NFIA: variants seen among roughly 807,000 people sequenced by gnomAD.
The protein encoded by NFIA is nuclear factor I A.
A neutral mutation model predicts 62.8 loss-of-function variants in NFIA; 8 were observed. The ratio of observed to expected loss-of-function variants is 0.13; its 90% CI spans 0.07 to 0.23. NFIA has a LOEUF of 0.23. Ranked by LOEUF, NFIA falls within the 10% of genes least tolerant of loss-of-function variation. The pLI is 1.00. For missense variants in NFIA, 410 were observed against 642.1 expected, an observed-to-expected ratio of 0.64 and a Z score of 3.91; for synonymous variants, 235 against 238.1, an observed-to-expected ratio of 0.99 and a Z score of 0.12.
chr1:61,288,470 A>T (rs1030728364), intron 3 of NFIA, among the ~76,000 whole-genome samples: 7 of 152,228 alleles, frequency 4.6e-5, no homozygotes, highest in Non-Finnish European at 1.0e-4. Context: ...GTGTTCACAG[A>T]TTCAAGGAAA....
chr1:61,337,824 C>T lies in NFIA; in HGVS notation c.700+5238C>T, dbSNP rs181895646. Among the ~76,000 whole-genome samples, 136 of 152,308 alleles carry T rather than the reference C, an allele frequency of 8.9e-4. 1 individual carries two copies. Among genetic ancestry groups the T allele is most frequent in the Admixed American group, 3.4e-3 (52 of 15,300 alleles). ...AGCACCCACTCTTTTGTTTATTTTG[C>T]GCTAGTGTTTTCCTCAAAGTATGAG... On this transcript the variant is annotated intron_variant, in intron 4 of 10. Transcript: ENST00000403491.
At chr1:61,398,285 T>TG (rs1316933000) in intron 7 of NFIA, among the ~76,000 whole-genome samples, 1 of 152,238 alleles carries the variant, frequency 6.6e-6, no homozygotes, top group Non-Finnish European at 1.5e-5. Flanking sequence ...TGCCAACTCC[T>TG]GGTCTAGTCA....
chr1:61,395,286 G>GTTTTTT (rs371283588), intron 7 of NFIA, among the ~76,000 whole-genome samples: 2 of 134,316 alleles, frequency 1.5e-5, no homozygotes, highest in African/African-American at 5.7e-5. Flanking sequence ...GTGTGTGTGT[G>GTTTTTT]TGTTTTTTTT....
At chr1:61,386,139 C>G (rs1270662467) in intron 7 of NFIA, among the ~76,000 whole-genome samples, 4 of 152,166 alleles carry the variant, frequency 2.6e-5, no homozygotes, top group African/African-American at 9.7e-5. Flanking sequence ...TCATTTCTCT[C>G]TGAACTAGTT....
intron 10 of NFIA, among the ~76,000 whole-genome samples, chr1:61,438,679 G>A (rs1667441075): frequency 6.6e-6 from 1 of 151,998 alleles, no homozygotes; most frequent in African/African-American, 2.4e-5. Context: ...AATCCATACG[G>A]AGAGCTTCTG....
chr1:61,231,742 A>G (rs979749001), intron 2 of NFIA, among the ~76,000 whole-genome samples: 9 of 152,134 alleles, frequency 5.9e-5, no homozygotes, highest in Non-Finnish European at 1.5e-5. Flanking sequence ...AGGCAGGAGG[A>G]TTGCTTGAGC....
intron 2 of NFIA, among the ~76,000 whole-genome samples, chr1:61,260,136 C>T (rs189369194): frequency 2.5e-4 from 38 of 152,340 alleles, no homozygotes; most frequent in Middle Eastern, 6.8e-3. Flanking sequence ...AGGTCGCAGA[C>T]GTCTTTCACA....
chr1:61,341,859 A>T (rs1452926928), intron 4 of NFIA, among the ~76,000 whole-genome samples: 6 of 152,242 alleles, frequency 3.9e-5, no homozygotes, highest in Admixed American at 3.3e-4. Flanking sequence ...ATCCAGTAGT[A>T]ACACTGAAAA....
At chr1:61,386,292 A>T (rs976260191) in intron 7 of NFIA, among the ~76,000 whole-genome samples, 1 of 152,206 alleles carries the variant, frequency 6.6e-6, no homozygotes, top group Admixed American at 6.5e-5. Context: ...AGGAGATTTC[A>T]ACCTCTGACA....
chr1:61,222,923 T>A (rs1004364778), intron 2 of NFIA, among the ~76,000 whole-genome samples: 37 of 152,176 alleles, frequency 2.4e-4, no homozygotes, highest in Admixed American at 2.0e-3. Flanking sequence ...TATACAAATG[T>A]TTTTTCTTGA....
intron 5 of NFIA, among the ~76,000 whole-genome samples, chr1:61,355,018 T>G (rs1046084128): frequency 7.3e-5 from 11 of 149,686 alleles, no homozygotes; most frequent in African/African-American, 2.5e-4. Flanking sequence ...TCAGGAAAGT[T>G]AAGGCATTTT....
chr1:61,383,445 G>C, intron 7 of NFIA, 80 bp downstream of exon 7: 1 of 1,574,132 alleles, frequency 6.4e-7, no homozygotes, highest in Non-Finnish European at 8.7e-7. Flanking sequence ...AAACAATGAG[G>C]ACTCCCCCTG....
intron 2 of NFIA, among the ~76,000 whole-genome samples, chr1:61,172,748 A>G (rs1205149276): frequency 6.6e-6 from 1 of 152,220 alleles, no homozygotes; most frequent in Non-Finnish European, 1.5e-5. Flanking sequence ...TGCTGATTTA[A>G]TTTATTTTAC....
At chr1:61,275,165 G>A (rs1038751493) in intron 2 of NFIA, among the ~76,000 whole-genome samples, 2 of 152,090 alleles carry the variant, frequency 1.3e-5, no homozygotes, top group Non-Finnish European at 2.9e-5. Context: ...ACGAGAATGC[G>A]GCGGCCCCTT....
chr1:61,442,166 A>G (rs766258168), intron 10 of NFIA, among the ~76,000 whole-genome samples: 1 of 152,142 alleles, frequency 6.6e-6, no homozygotes, highest in Non-Finnish European at 1.5e-5. Context: ...CTGAGTAGGT[A>G]ACTCCAAGGG....
At chr1:61,328,111 T>G (rs1661057079) in intron 3 of NFIA, among the ~76,000 whole-genome samples, 1 of 151,776 alleles carries the variant, frequency 6.6e-6, no homozygotes, top group Non-Finnish European at 1.5e-5. Flanking sequence ...GGGATTTTTT[T>G]TTTTCTTGTT....
chr1:61,435,386 T>G (rs527821626), intron 10 of NFIA, among the ~76,000 whole-genome samples: 6 of 152,270 alleles, frequency 3.9e-5, no homozygotes, highest in Admixed American at 3.9e-4. Context: ...AAGAAATCTG[T>G]GAGTGAGTGG....
At chr1:61,210,219 A>G (rs1653161647) in intron 2 of NFIA, among the ~76,000 whole-genome samples, 2 of 152,302 alleles carry the variant, frequency 1.3e-5, no homozygotes, top group South Asian at 4.1e-4. Context: ...GTTTTCCTCA[A>G]GTGGAATAAG....
chr1:61,322,371 A>G (rs1386537010), intron 3 of NFIA, among the ~76,000 whole-genome samples: 1 of 152,190 alleles, frequency 6.6e-6, no homozygotes, highest in African/African-American at 2.4e-5. Flanking sequence ...CTTTCTGTTA[A>G]TATTCCCAGA....
Sources: allele counts gnomAD v4.1 joint callset (sites outside exome capture counted in the v4.1 genomes callset), GRCh38; gene constraint gnomAD v4.1.1; transcripts MANE v1.5; gene names NCBI Gene and HGNC (gene_info 2026-07-23, HGNC 2026-07-21).